Variants in NRCAM observed in about 807,000 individuals in gnomAD.
The protein encoded by NRCAM is neuronal cell adhesion molecule.
In NRCAM, 83 loss-of-function variants were observed where a neutral mutation model predicts 156.5. The ratio of observed to expected loss-of-function variants is 0.53; its 90% CI spans 0.44 to 0.64. The LOEUF (loss-of-function observed/expected upper bound fraction) is 0.64. Ranked by LOEUF, NRCAM falls within the 30% of genes least tolerant of loss-of-function variation. NRCAM has a pLI of 0.00. For synonymous variants in NRCAM, 538 were observed against 563.9 expected (o/e 0.95, Z 0.65); for missense variants, 1,417 against 1,597.3 (o/e 0.89, Z 1.92).
intron 3 of NRCAM, among the ~76,000 whole-genome samples, chr7:108,284,223 C>T (rs1427231399): frequency 6.6e-6 from 1 of 152,162 alleles, no homozygotes; most frequent in African/African-American, 2.4e-5. Flanking sequence ...GATGTTTGAA[C>T]TACTCTCATG....
chr7:108,280,256 G>A lies in NRCAM; in HGVS notation c.-107+32409C>T, dbSNP rs544714103. 4.5e-4 allele frequency among the ~76,000 whole-genome samples: 68 copies of A among 152,316 alleles called. 1 individual carries two copies. The highest frequency in any genetic ancestry group is 3.4e-3 in the Middle Eastern group (1 of 294). On this transcript the variant is annotated intron_variant, in intron 3 of 32. Transcript: ENST00000379028. ...GAACTTAGAAGCGCTAGCAATTCTG[G>A]CTCCTTTCACCAGAACAAGCTGCAA... is the stretch of plus-strand genomic sequence containing the variant.
rs1262924583 is a variant in NRCAM at position 108,177,684 on chromosome 7, TGTATATATATATACAC to T, written c.2974+290_2974+305del. Among the ~76,000 whole-genome samples, 32 of 18,708 alleles carry T rather than the reference TGTATATATATATACAC, an allele frequency of 1.7e-3. 1 individual carries two copies. The highest frequency in any genetic ancestry group is 2.8e-3 in the African/African-American group (32 of 11,484). 12.3% of individuals were successfully genotyped at this position (18,708 alleles called of 152,430 possible). A position where few individuals can be genotyped will look rare whatever the true frequency, so the allele number is the denominator to read the frequency against. ...ATGTATATACGTGTATATATATACG[TGTATATATATATACAC>T]GTATATATATATATACGTGTGTATA... On this transcript the variant is annotated intron_variant, in intron 26 of 32. Coordinates refer to ENST00000379028, the MANE Select transcript of NRCAM (RefSeq NM_001037132.4).
At chr7:108,260,642 C>T (rs901010914) in intron 3 of NRCAM, among the ~76,000 whole-genome samples, 1 of 152,066 alleles carries the variant, frequency 6.6e-6, no homozygotes, top group African/African-American at 2.4e-5. Context: ...ATTGTGCATT[C>T]CAGAGCGTGG....
intron 3 of NRCAM, among the ~76,000 whole-genome samples, chr7:108,262,409 T>C (rs1326202774): frequency 6.6e-6 from 1 of 152,128 alleles, no homozygotes; most frequent in African/African-American, 2.4e-5. Context: ...CTTTTGTGCC[T>C]ACCCTTTTTT....
chr7:108,309,889 T>G (rs1271635537), intron 3 of NRCAM, among the ~76,000 whole-genome samples: 1 of 152,088 alleles, frequency 6.6e-6, no homozygotes, highest in East Asian at 1.9e-4. Flanking sequence ...TAAATAGCAT[T>G]AAAATTGTAT....
chr7:108,456,006 CG>C (rs1856987759), intron 1 of NRCAM, among the ~76,000 whole-genome samples: 2 of 152,180 alleles, frequency 1.3e-5, no homozygotes, highest in Non-Finnish European at 2.9e-5. Flanking sequence ...TTCACCCAAG[CG>C]CAGGTCCCCC....
chr7:108,289,821 T>C (rs781273039), intron 3 of NRCAM, among the ~76,000 whole-genome samples: 5 of 152,224 alleles, frequency 3.3e-5, no homozygotes, highest in South Asian at 4.1e-4. Context: ...GGCAAATTCT[T>C]TGGACCTACC....
chr7:108,306,202 A>G (rs1240661455), intron 3 of NRCAM, among the ~76,000 whole-genome samples: 1 of 152,192 alleles, frequency 6.6e-6, no homozygotes, highest in Non-Finnish European at 1.5e-5. Context: ...AAAATATCAA[A>G]ATGCCATCCT....
intron 32 of NRCAM, among the ~76,000 whole-genome samples, chr7:108,152,425 A>G (rs1289306308): frequency 4.6e-5 from 7 of 151,678 alleles, no homozygotes; most frequent in South Asian, 2.1e-4. Context: ...GGGGAGGGAG[A>G]GAGAGAGAGA....
intron 1 of NRCAM, among the ~76,000 whole-genome samples, chr7:108,436,165 C>T (rs1831944719): frequency 6.6e-6 from 1 of 152,028 alleles, no homozygotes; most frequent in African/African-American, 2.4e-5. Context: ...AAAAATAATT[C>T]GCTCACACAC....
intron 12 of NRCAM, among the ~76,000 whole-genome samples, chr7:108,208,869 C>T (rs930664908): frequency 6.6e-6 from 1 of 152,124 alleles, no homozygotes; most frequent in African/African-American, 2.4e-5. Flanking sequence ...ACATTCATCA[C>T]TTGGTTAAGA....
At chr7:108,240,257 C>G in intron 3 of NRCAM, 87 bp from the exon 4 acceptor site, 1 of 478,042 alleles carries the variant, frequency 2.1e-6, no homozygotes, top group Non-Finnish European at 3.8e-6. Flanking sequence ...AGAGAACTAG[C>G]CGTGTATTAT....
intron 3 of NRCAM, among the ~76,000 whole-genome samples, chr7:108,240,495 G>C (rs551653621): frequency 4.6e-5 from 7 of 152,254 alleles, no homozygotes; most frequent in Admixed American, 4.6e-4. Context: ...CTTTTAAGCT[G>C]GTCAGCAAGC....
intron 32 of NRCAM, among the ~76,000 whole-genome samples, chr7:108,155,623 C>A (rs532947697): frequency 1.3e-5 from 2 of 152,124 alleles, no homozygotes; most frequent in South Asian, 4.2e-4. Flanking sequence ...ACACTCTGGT[C>A]ATTGTTCTTT....
At position 108,292,269 on chromosome 7, in the gene NRCAM, C is replaced by T. The variant is rs546585495; in HGVS notation, c.-107+20396G>A. 1.5e-3 allele frequency among the ~76,000 whole-genome samples: 224 copies of T among 152,164 alleles called. 2 individuals carry two copies. Among genetic ancestry groups the T allele is most frequent in the Non-Finnish European group, 2.8e-3 (191 of 68,032 alleles). Reference sequence around the variant, plus strand: ...GCTCTGGTCCCTTTGGGACTGTTTCCTAATCGGTAAAATAATATGTCCAAG... The same window carrying T: ...GCTCTGGTCCCTTTGGGACTGTTTCTTAATCGGTAAAATAATATGTCCAAG... On this transcript the variant is annotated intron_variant, in intron 3 of 32. Coordinates refer to ENST00000379028, the MANE Select transcript of NRCAM (RefSeq NM_001037132.4).
intron 3 of NRCAM, among the ~76,000 whole-genome samples, chr7:108,273,364 A>C (rs577768637): frequency 1.3e-5 from 2 of 152,296 alleles, no homozygotes; most frequent in African/African-American, 4.8e-5. Flanking sequence ...AGTCCCACCA[A>C]CAGTGTAAAA....
At chr7:108,270,954 T>A (rs146963857) in intron 3 of NRCAM, among the ~76,000 whole-genome samples, 195 of 152,334 alleles carry the variant, frequency 1.3e-3, no homozygotes, top group African/African-American at 4.3e-3. Flanking sequence ...ATGGTGGTGA[T>A]GCTGGCACAA....
At chr7:108,281,388 A>T (rs1487882384) in intron 3 of NRCAM, among the ~76,000 whole-genome samples, 1 of 152,170 alleles carries the variant, frequency 6.6e-6, no homozygotes, top group Non-Finnish European at 1.5e-5. Flanking sequence ...ATAGTAGGGG[A>T]GATAACAGGA....
At chr7:108,182,408 AG>A (rs1418728653) in intron 23 of NRCAM, among the ~76,000 whole-genome samples, 7 of 152,114 alleles carry the variant, frequency 4.6e-5, no homozygotes, top group Admixed American at 4.6e-4. Context: ...TTCATATAGG[AG>A]GGTTCCATAG....
Sources: allele counts gnomAD v4.1 joint callset (sites outside exome capture counted in the v4.1 genomes callset), GRCh38; gene constraint gnomAD v4.1.1; transcripts MANE v1.5; gene names NCBI Gene and HGNC (gene_info 2026-07-23, HGNC 2026-07-21).